The following EXOC4 variants were observed in gnomAD, a reference collection of about 807,000 sequenced individuals.
EXOC4 encodes exocyst complex component 4, also known as SEC8-like 1.
EXOC4 carries 71 observed loss-of-function variants against 107.2 expected under a neutral mutation model. That is an observed-to-expected ratio of 0.66 (90% CI 0.55 to 0.81). The LOEUF (loss-of-function observed/expected upper bound fraction) is 0.81. EXOC4 is among the 30% of genes least tolerant of loss of function. The pLI is 0.00. For missense variants in EXOC4, 1,108 were observed against 1,189.6 expected (o/e 0.93, Z 1.01); for synonymous variants, 456 against 441.2 (o/e 1.03, Z -0.42).
At chr7:133,902,576 G>A (rs972216871) in intron 12 of EXOC4, among the ~76,000 whole-genome samples, 8 of 152,206 alleles carry the variant, frequency 5.3e-5, no homozygotes, top group Admixed American at 1.3e-4. Flanking sequence ...TTTTAGGGCC[G>A]GGCGCAGTGG....
chr7:133,616,495 T>G (rs2151001777), intron 9 of EXOC4, among the ~76,000 whole-genome samples: 1 of 152,278 alleles, frequency 6.6e-6, no homozygotes, highest in Non-Finnish European at 1.5e-5. Flanking sequence ...AGTGATTTGC[T>G]TAAAGTTCAG....
chr7:133,787,960 TA>T (rs1796615494), intron 10 of EXOC4, among the ~76,000 whole-genome samples: 6 of 12,994 alleles, frequency 4.6e-4, no homozygotes, highest in African/African-American at 8.3e-4. Flanking sequence ...TATATTTATA[TA>T]TTTATATATA....
chr7:133,387,972 G>A (rs565145116), intron 7 of EXOC4, among the ~76,000 whole-genome samples: 29 of 151,520 alleles, frequency 1.9e-4, no homozygotes, highest in African/African-American at 7.0e-4. Flanking sequence ...ATGGGCTTTG[G>A]GGGGTTTGTT....
intron 9 of EXOC4, among the ~76,000 whole-genome samples, chr7:133,486,850 C>G (rs1267936307): frequency 6.6e-6 from 1 of 151,950 alleles, no homozygotes; most frequent in African/African-American, 2.4e-5. Context: ...TACAAATGCT[C>G]ATTTCTTTGT....
rs143939922 is a variant in EXOC4 at position 133,422,634 on chromosome 7, T to A, written c.1182+47632T>A. 4.6e-5 allele frequency among the ~76,000 whole-genome samples: 7 copies of A among 152,160 alleles called. No individual in the cohort carries two copies. In the East Asian group the frequency reaches 9.6e-4, roughly 21 times the overall value. On this transcript the variant is annotated intron_variant, in intron 7 of 17. Coordinates refer to ENST00000253861, the MANE Select transcript of EXOC4 (RefSeq NM_021807.4). Reference sequence around the variant, plus strand: ...TAAAATGGAGGTTATGTAGGTTACATGTTTTACTGGCTCATGGAGCTCTTC... The same window carrying A: ...TAAAATGGAGGTTATGTAGGTTACAAGTTTTACTGGCTCATGGAGCTCTTC...
At chr7:133,438,829 G>T (rs1798035756) in intron 7 of EXOC4, among the ~76,000 whole-genome samples, 1 of 152,116 alleles carries the variant, frequency 6.6e-6, no homozygotes, top group South Asian at 2.1e-4. Flanking sequence ...TCCTGATCTT[G>T]CAGTGCTTAT....
intron 12 of EXOC4, among the ~76,000 whole-genome samples, chr7:133,910,737 G>A (rs562501253): frequency 3.3e-5 from 5 of 152,304 alleles, no homozygotes; most frequent in African/African-American, 9.6e-5. Flanking sequence ...TAAATTGGAC[G>A]ACGGCACTTT....
At chr7:133,321,000 T>A (rs564889090) in intron 5 of EXOC4, among the ~76,000 whole-genome samples, 10 of 152,290 alleles carry the variant, frequency 6.6e-5, no homozygotes, top group Non-Finnish European at 1.5e-4. Context: ...AATAGCCGTT[T>A]TCAGCTGGGA....
At chr7:133,823,864 TATATATATTATA>T (rs1797605238) in intron 11 of EXOC4, among the ~76,000 whole-genome samples, 1 of 24,758 alleles carries the variant, frequency 4.0e-5, no homozygotes, top group Non-Finnish European at 6.8e-5. Flanking sequence ...TATATATATA[TATATATATTATA>T]TATATATATA....
the EXOC4 span, among the ~76,000 whole-genome samples, chr7:134,076,603 CAT>C: frequency 1.3e-5 from 2 of 151,196 alleles, no homozygotes; most frequent in African/African-American, 2.4e-5. Context: ...GAACCAATAG[CAT>C]ATATATATAT....
chr7:133,267,284 A>C (rs1216939261), intron 1 of EXOC4, among the ~76,000 whole-genome samples: 1 of 152,096 alleles, frequency 6.6e-6, no homozygotes, highest in Non-Finnish European at 1.5e-5. Context: ...AAAGCTCACA[A>C]AGTTGGGCCT....
chr7:133,749,042 A>G (rs375073907), intron 10 of EXOC4, among the ~76,000 whole-genome samples: 2 of 152,238 alleles, frequency 1.3e-5, no homozygotes, highest in African/African-American at 2.4e-5. Context: ...GGCAACATGT[A>G]AAAATAGGCT....
chr7:133,601,566 A>G (rs1453812711), intron 9 of EXOC4, among the ~76,000 whole-genome samples: 2 of 152,054 alleles, frequency 1.3e-5, no homozygotes, highest in Non-Finnish European at 2.9e-5. Context: ...CTCCCTCCCC[A>G]TCTTCATGTT....
intron 5 of EXOC4, among the ~76,000 whole-genome samples, chr7:133,343,660 T>G (rs1795718490): frequency 6.6e-6 from 1 of 152,030 alleles, no homozygotes; most frequent in Non-Finnish European, 1.5e-5. Flanking sequence ...TCCGTGTCTT[T>G]TCTTAGTTTT....
chr7:133,432,938 T>C (rs1797887806), intron 7 of EXOC4, among the ~76,000 whole-genome samples: 1 of 152,264 alleles, frequency 6.6e-6, no homozygotes, highest in Admixed American at 6.5e-5. Context: ...ACTCTATAGC[T>C]GTAATGTATT....
At chr7:133,263,018 G>T (rs1298202638) in intron 1 of EXOC4, among the ~76,000 whole-genome samples, 2 of 152,178 alleles carry the variant, frequency 1.3e-5, no homozygotes, top group Non-Finnish European at 2.9e-5. Context: ...ATAAATGAGA[G>T]TTCCCCTGCA....
At chr7:133,527,473 G>C (rs1380579535) in intron 9 of EXOC4, among the ~76,000 whole-genome samples, 1 of 152,028 alleles carries the variant, frequency 6.6e-6, no homozygotes, top group African/African-American at 2.4e-5. Flanking sequence ...CCTCTATGTT[G>C]GTTAACTAAA....
intron 5 of EXOC4, among the ~76,000 whole-genome samples, chr7:133,323,481 G>T (rs1413564199): frequency 6.6e-6 from 1 of 152,096 alleles, no homozygotes; most frequent in African/African-American, 2.4e-5. Flanking sequence ...TGTGGTTTTT[G>T]TCTTTGGTTC....
At chr7:133,512,300 C>T (rs1014136190) in intron 9 of EXOC4, among the ~76,000 whole-genome samples, 3 of 151,946 alleles carry the variant, frequency 2.0e-5, no homozygotes, top group Admixed American at 2.0e-4. Context: ...CGTGGTGGCT[C>T]GTGCCTATAA....
Sources: gnomAD v4.1 joint callset for allele counts (sites outside exome capture counted in the v4.1 genomes callset) on GRCh38, gnomAD v4.1.1 for gene constraint, MANE v1.5 for transcripts, NCBI Gene and HGNC (gene_info 2026-07-23, HGNC 2026-07-21) for gene names.